SLMAP: variants seen among roughly 807,000 people sequenced by gnomAD.
The protein encoded by SLMAP is sarcolemmal membrane-associated protein.
Under a neutral mutation model 128.8 loss-of-function variants are expected in SLMAP, and 44 were observed. The observed-to-expected ratio is 0.34, with a 90% CI of 0.27 to 0.44. SLMAP has a LOEUF of 0.44. SLMAP is among the 20% of genes least tolerant of loss of function. The pLI, the probability that SLMAP is intolerant of heterozygous loss-of-function variation, is 1.00. For missense variants in SLMAP, 787 were observed against 985.3 expected (o/e 0.80, Z 2.69); for synonymous variants, 327 against 348.8 (o/e 0.94, Z 0.70).
chr3:57,821,411 G>A (rs2092504457), intron 2 of SLMAP, among the ~76,000 whole-genome samples: 1 of 152,060 alleles, frequency 6.6e-6, no homozygotes, highest in Non-Finnish European at 1.5e-5. Context: ...TCATTTTGGT[G>A]AAAACATTTC....
chr3:57,793,278 C>T (rs1481470834), intron 2 of SLMAP, among the ~76,000 whole-genome samples: 1 of 152,154 alleles, frequency 6.6e-6, no homozygotes, highest in Non-Finnish European at 1.5e-5. Flanking sequence ...TTCCCTGAAA[C>T]TCTAGTTTTA....
intron 2 of SLMAP, among the ~76,000 whole-genome samples, chr3:57,815,946 G>A (rs1045811839): frequency 6.6e-6 from 1 of 152,154 alleles, no homozygotes; most frequent in Non-Finnish European, 1.5e-5. Flanking sequence ...TTAGCAGTTA[G>A]TATGTACAAA....
chr3:57,844,171 T>C (rs573001501), intron 4 of SLMAP, among the ~76,000 whole-genome samples: 185 of 152,042 alleles, frequency 1.2e-3, no homozygotes, highest in African/African-American at 4.0e-3. Context: ...GGCGGACAGA[T>C]TGCCTGAGCT....
chr3:57,926,183 C>T (rs1427142674), intron 24 of SLMAP: 1 of 463,518 alleles, frequency 2.2e-6, no homozygotes, highest in African/African-American at 2.0e-5. Flanking sequence ...TGTTAATATG[C>T]TTCCATTAAC....
At chr3:57,815,243 G>A (rs1006288059) in intron 2 of SLMAP, among the ~76,000 whole-genome samples, 2 of 152,132 alleles carry the variant, frequency 1.3e-5, no homozygotes, top group Non-Finnish European at 2.9e-5. Context: ...TGGCGCTCAC[G>A]TGGTAATGCT....
chr3:57,830,961 GTTTA>G (rs1199557031), intron 2 of SLMAP, among the ~76,000 whole-genome samples: 16 of 152,038 alleles, frequency 1.1e-4, no homozygotes, highest in Non-Finnish European at 1.5e-5. Flanking sequence ...TACCACATTT[GTTTA>G]TTCATTTATC....
At chr3:57,807,618 C>T (rs913673936) in intron 2 of SLMAP, among the ~76,000 whole-genome samples, 1 of 152,164 alleles carries the variant, frequency 6.6e-6, no homozygotes, top group Non-Finnish European at 1.5e-5. Context: ...GTTGAACCAG[C>T]CTTGCATCCC....
At chr3:57,848,226 C>T (rs2094343275) in intron 5 of SLMAP, among the ~76,000 whole-genome samples, 1 of 148,828 alleles carries the variant, frequency 6.7e-6, no homozygotes, top group Admixed American at 6.7e-5. Context: ...CCTCCTTTTC[C>T]TCCTTCTTGG....
At chr3:57,839,434 A>ATTTTTTTTTTTTT (rs1189313640) in intron 3 of SLMAP, among the ~76,000 whole-genome samples, 2 of 82,866 alleles carry the variant, frequency 2.4e-5, no homozygotes, top group African/African-American at 5.1e-5. Context: ...CATTAGCTCT[A>ATTTTTTTTTTTTT]TTTTTTTTTT....
intron 3 of SLMAP, among the ~76,000 whole-genome samples, chr3:57,833,530 C>A (rs2093461144): frequency 6.6e-6 from 1 of 152,066 alleles, no homozygotes; most frequent in Non-Finnish European, 1.5e-5. Context: ...AGTGATTCTC[C>A]TGCCTCAGCC....
intron 2 of SLMAP, among the ~76,000 whole-genome samples, chr3:57,805,895 C>T (rs1289655527): frequency 2.6e-5 from 4 of 152,096 alleles, no homozygotes; most frequent in African/African-American, 9.7e-5. Flanking sequence ...CTCCCTACTT[C>T]CCCTGACTCA....
At chr3:57,855,121 T>C (rs965530660) in intron 6 of SLMAP, among the ~76,000 whole-genome samples, 6 of 152,170 alleles carry the variant, frequency 3.9e-5, no homozygotes, top group African/African-American at 1.4e-4. Flanking sequence ...GGAGGCAGTG[T>C]AATCCCAGCA....
chr3:57,917,325 TACTTATA>T, intron 22 of SLMAP: 1 of 873,320 alleles, frequency 1.1e-6, no homozygotes, highest in Non-Finnish European at 1.6e-6. Flanking sequence ...CTCTACCAGT[TACTTATA>T]TGAGAAATCC....
intron 9 of SLMAP, among the ~76,000 whole-genome samples, chr3:57,861,700 C>A (rs1330431216): frequency 6.6e-6 from 1 of 152,150 alleles, no homozygotes; most frequent in Non-Finnish European, 1.5e-5. Context: ...AGGCAGCATC[C>A]TTTTCCTGCC....
chr3:57,811,205 A>G (rs2090912844), intron 2 of SLMAP, among the ~76,000 whole-genome samples: 1 of 152,198 alleles, frequency 6.6e-6, no homozygotes, highest in African/African-American at 2.4e-5. Flanking sequence ...TTCATCTTGT[A>G]AAGCTGAAGG....
chr3:57,871,672 T>C lies in SLMAP; in HGVS notation c.1274T>C (p.Phe425Ser), dbSNP rs2095482778. Residue 425 changes from phenylalanine to serine, a missense_variant, in exon 14 of 25, where the codon TTT (phenylalanine) becomes TCT (serine). Phe to Ser is a radical substitution (Grantham distance 155). Coordinates refer to ENST00000671191, the MANE Select transcript of SLMAP (RefSeq NM_001377540.1). ...TCAAAGAGTGGCGGGGACTGCACTT[T>C]TATTCATCAATTCATAGAATGCCAG... ...LLSKSGGDCT[F>S]IHQFIECQKK... 6.2e-7 allele frequency: 1 copy of C among 1,612,996 alleles called. No homozygotes were observed. The highest frequency in any genetic ancestry group is 8.5e-7 in the Non-Finnish European group (1 of 1,179,104).
At chr3:57,860,473 A>G (rs1040055369) in intron 8 of SLMAP, among the ~76,000 whole-genome samples, 10 of 152,306 alleles carry the variant, frequency 6.6e-5, no homozygotes, top group Admixed American at 4.6e-4. Context: ...TCAATTGCCT[A>G]TAACTTTTTT....
intron 10 of SLMAP, 92 bp from the exon 11 acceptor site, chr3:57,864,456 C>A: frequency 1.3e-6 from 1 of 752,940 alleles, no homozygotes; most frequent in Non-Finnish European, 2.1e-6. Context: ...ACAAACTTTT[C>A]TTAGAAGTTT....
At chr3:57,770,554 A>ATATC (rs941758726) in intron 2 of SLMAP, among the ~76,000 whole-genome samples, 10 of 152,234 alleles carry the variant, frequency 6.6e-5, no homozygotes, top group African/African-American at 2.4e-4. Context: ...CTGAAGGCAG[A>ATATC]TGCCTTAAGG....
Sources: gnomAD v4.1 joint callset for allele counts (sites outside exome capture counted in the v4.1 genomes callset) on GRCh38, gnomAD v4.1.1 for gene constraint, MANE v1.5 for transcripts, NCBI Gene and HGNC (gene_info 2026-07-23, HGNC 2026-07-21) for gene names.